EPG5: variants seen among roughly 807,000 people sequenced by gnomAD.
EPG5 encodes the protein ectopic P-granules 5 autophagy tethering factor, also known as ectopic P granules protein 5 homolog.
A neutral mutation model predicts 302.7 loss-of-function variants in EPG5; 159 were observed. The observed-to-expected ratio is 0.53, with a 90% CI of 0.46 to 0.60. The LOEUF is 0.60. Among genes scored for constraint, EPG5 ranks in the 20% least tolerant of loss-of-function variants. The pLI, the probability that EPG5 is intolerant of heterozygous loss-of-function variation, is 0.00. For missense variants in EPG5, 2,896 were observed against 3,092.4 expected (o/e 0.94, Z 1.51); for synonymous variants, 1,158 against 1,136.8 (o/e 1.02, Z -0.37).
At chr18:45,829,818 G>C in the EPG5 span, among the ~76,000 whole-genome samples, 4 of 152,066 alleles carry the variant, frequency 2.6e-5, no homozygotes, top group African/African-American at 4.8e-5. Context: ...CTGGAGGCGT[G>C]GTCTTCCTAT....
chr18:45,923,147 T>A, intron 15 of EPG5, 121 bp downstream of exon 15: 1 of 1,101,346 alleles, frequency 9.1e-7, no homozygotes, highest in Non-Finnish European at 1.3e-6. Context: ...TATAACATCT[T>A]AAATTGCTAG....
rs8099496 is a variant in EPG5 at position 45,865,851 on chromosome 18, G to C, written c.6622-92C>G. ...CTGGGAGCATGGCACTGCAATGAAT[G>C]CTTGGGTAGGGAGTAGAGGGGACAG... is the stretch of plus-strand genomic sequence containing the variant. On this transcript the variant is annotated intron_variant, in intron 38 of 43. Transcript: ENST00000282041. The C allele has an allele frequency of 0.14, 189,035 of 1,379,628 alleles. 17,570 individuals carry two copies. The highest frequency in any genetic ancestry group is 0.38 in the Admixed American group (18,942 of 49,994). 85.5% of individuals were successfully genotyped at this position (1,379,628 alleles called of 1,614,324 possible). A position where few individuals can be genotyped will look rare whatever the true frequency, so the allele number is the denominator to read the frequency against.
chr18:45,844,799 C>A (rs1287942957), downstream of EPG5, among the ~76,000 whole-genome samples: 1 of 152,164 alleles, frequency 6.6e-6, no homozygotes, highest in Non-Finnish European at 1.5e-5. Flanking sequence ...TGCTTTGGGG[C>A]ACCTCTATGG....
At chr18:45,893,531 C>T (rs944686478) in intron 27 of EPG5, among the ~76,000 whole-genome samples, 16 of 147,048 alleles carry the variant, frequency 1.1e-4, no homozygotes, top group East Asian at 2.0e-4. Flanking sequence ...CCAGCCTGGG[C>T]GACAGAGTGA....
rs1599430019 is a variant in EPG5, at chr18:45,860,229, C to T, written c.6884G>A (p.Trp2295Ter). 1 of 1,614,242 alleles carries T rather than the reference C, an allele frequency of 6.2e-7. No individual in the cohort carries two copies. Among genetic ancestry groups the T allele is most frequent in the Non-Finnish European group, 8.5e-7 (1 of 1,180,040 alleles). The change falls in exon 40 of 44, where the codon TGG (tryptophan) becomes TAG (stop). Residue 2295 changes from tryptophan to a stop codon, truncating the protein, a stop_gained. Coordinates refer to ENST00000282041, the MANE Select transcript of EPG5 (RefSeq NM_020964.3). LOFTEE classifies it high-confidence loss of function. ...AEFLRGSIRT[W>*]IGQKMHGLVV... is the part of the protein sequence containing the mutation. ...CAGCCCATGCATTTTTTGGCCAATC[C>T]AGGTCCGGATACTGCCCCGAAGGAA...
chr18:45,842,288 C>T, the EPG5 span: 1 of 1,337,380 alleles, frequency 7.5e-7, no homozygotes. Flanking sequence ...GGCACCTTGG[C>T]AGCCCCCAGC....
Position 45,916,420 on chromosome 18 carries a change from G to A in EPG5, c.3384+18C>T, listed in dbSNP as rs759703340. On this transcript the variant is annotated intron_variant, in intron 18 of 43. Transcript: ENST00000282041. ...GAAGACAGGCGGGAGTGTGCTTAGGGGCTTGCAAGGCCCTCACCTGGATCA... is the reference window on the plus strand; with the variant it reads ...GAAGACAGGCGGGAGTGTGCTTAGGAGCTTGCAAGGCCCTCACCTGGATCA... 7.5e-6 allele frequency: 12 copies of A among 1,603,540 alleles called. No individual in the cohort carries two copies. Among genetic ancestry groups the A allele is most frequent in the East Asian group, 2.2e-5 (1 of 44,534 alleles).
chr18:45,904,876 C>T (rs2049709403), intron 24 of EPG5, among the ~76,000 whole-genome samples: 1 of 152,032 alleles, frequency 6.6e-6, no homozygotes, highest in Admixed American at 6.5e-5. Context: ...CTTTTAAAAT[C>T]TTCATGCATC....
At chr18:45,830,486 C>T in the EPG5 span, among the ~76,000 whole-genome samples, 3 of 151,982 alleles carry the variant, frequency 2.0e-5, no homozygotes, top group South Asian at 4.1e-4. Flanking sequence ...GGGGGAATTT[C>T]GCTATGAAAG....
In EPG5 at chr18:45,884,681, T is replaced by A; in HGVS notation, c.5240A>T (p.Tyr1747Phe). The stretch of plus-strand genomic sequence containing the variant: ...ACTTAGAAACTTCACCACTTGCTCA[T>A]ACAGCTGTATGAACTCTGCAGGTGC... ...NAAPAEFIQLYEQVVKFLSED... is the reference protein window; with the variant it reads ...NAAPAEFIQLFEQVVKFLSED... The change falls in exon 30 of 44, where the codon TAT becomes TTT. Residue 1747 changes from tyrosine to phenylalanine, a missense_variant. By Grantham distance (22) the Tyr-to-Phe change is conservative (BLOSUM62 3). Coordinates refer to ENST00000282041, the MANE Select transcript of EPG5 (RefSeq NM_020964.3). The A allele has an allele frequency of 3.1e-6, 5 of 1,611,706 alleles. No homozygotes were observed. Among genetic ancestry groups the A allele is most frequent in the Non-Finnish European group, 4.2e-6 (5 of 1,179,232 alleles).
At chr18:45,963,307 G>A (rs1330547442) in intron 1 of EPG5, among the ~76,000 whole-genome samples, 1 of 152,188 alleles carries the variant, frequency 6.6e-6, no homozygotes, top group Non-Finnish European at 1.5e-5. Flanking sequence ...AGGTAAAAAG[G>A]GATAGGAAGG....
At chr18:45,821,517 AG>A in the EPG5 span, among the ~76,000 whole-genome samples, 1 of 152,236 alleles carries the variant, frequency 6.6e-6, no homozygotes. Flanking sequence ...AAGGAAACAT[AG>A]GGGAAACATT....
At chr18:45,899,751 A>G (rs1183915196) in intron 26 of EPG5, among the ~76,000 whole-genome samples, 185 bp from the exon 27 acceptor site, 1 of 152,176 alleles carries the variant, frequency 6.6e-6, no homozygotes, top group Non-Finnish European at 1.5e-5. Flanking sequence ...GAGGCTAAAG[A>G]GAAAGCTAAG....
At chr18:45,879,382 T>G (rs955615384) in intron 32 of EPG5, among the ~76,000 whole-genome samples, 168 bp from the exon 33 acceptor site, 1 of 152,216 alleles carries the variant, frequency 6.6e-6, no homozygotes, top group African/African-American at 2.4e-5. Flanking sequence ...TTTGTTTTTG[T>G]TTTGAGGTAG....
chr18:45,886,119 G>GA (rs2049211684), intron 29 of EPG5, among the ~76,000 whole-genome samples: 1 of 152,206 alleles, frequency 6.6e-6, no homozygotes, highest in African/African-American at 2.4e-5. Context: ...AGGGAAGGCA[G>GA]AGTGACTATG....
the EPG5 span, among the ~76,000 whole-genome samples, chr18:45,806,878 G>C: frequency 6.6e-6 from 1 of 152,132 alleles, no homozygotes; most frequent in African/African-American, 2.4e-5. Context: ...CAGAACTCAG[G>C]GGAGGGCATG....
intron 35 of EPG5, among the ~76,000 whole-genome samples, chr18:45,874,780 T>C (rs2048937492): frequency 6.6e-6 from 1 of 152,142 alleles, no homozygotes; most frequent in Non-Finnish European, 1.5e-5. Context: ...TATAACTAAA[T>C]GCCACACAAA....
intron 36 of EPG5, among the ~76,000 whole-genome samples, chr18:45,868,793 CACCT>C (rs2048806958): frequency 6.6e-6 from 1 of 151,838 alleles, no homozygotes; most frequent in Admixed American, 6.5e-5. Flanking sequence ...CAGTGGCTCA[CACCT>C]GTAATCCCAG....
intron 39 of EPG5, among the ~76,000 whole-genome samples, chr18:45,862,711 C>T (rs960140564): frequency 1.3e-5 from 2 of 152,176 alleles, no homozygotes; most frequent in African/African-American, 4.8e-5. Flanking sequence ...CTCCAGAGGC[C>T]GAGCAGATGG....
Sources: allele counts gnomAD v4.1 joint callset (sites outside exome capture counted in the v4.1 genomes callset), GRCh38; gene constraint gnomAD v4.1.1; transcripts MANE v1.5; gene names NCBI Gene and HGNC (gene_info 2026-07-23, HGNC 2026-07-21).